Variants in NCOA1 observed in about 807,000 individuals in gnomAD.
NCOA1 encodes the protein Hin-2 protein.
A neutral mutation model predicts 150.9 loss-of-function variants in NCOA1; 35 were observed. The ratio of observed to expected loss-of-function variants is 0.23; its 90% confidence interval spans 0.18 to 0.31. The LOEUF is 0.31. NCOA1 is among the 10% of genes least tolerant of loss of function. The pLI is 1.00. For synonymous variants in NCOA1, 590 were observed against 630.0 expected, an observed-to-expected ratio of 0.94 and a Z score of 0.95; for missense variants, 1,491 against 1,749.3, an observed-to-expected ratio of 0.85 and a Z score of 2.63.
At chr2:24,524,241 T>G (rs1255703477) in intron 1 of NCOA1, among the ~76,000 whole-genome samples, 2 of 152,224 alleles carry the variant, frequency 1.3e-5, no homozygotes, top group Non-Finnish European at 2.9e-5. Flanking sequence ...ATTGTTCAAA[T>G]CAGATTGCCT....
chr2:24,755,866 G>C (rs1664471631), intron 20 of NCOA1, among the ~76,000 whole-genome samples: 1 of 152,094 alleles, frequency 6.6e-6, no homozygotes, highest in African/African-American at 2.4e-5. Context: ...ACATAGCCTT[G>C]CTCCTCCGCA....
chr2:24,743,618 C>A (rs926676496), intron 19 of NCOA1, among the ~76,000 whole-genome samples: 1 of 152,192 alleles, frequency 6.6e-6, no homozygotes, highest in Non-Finnish European at 1.5e-5. Context: ...ATGTGTCTTA[C>A]AATTTCTGTA....
At position 24,762,925 on chromosome 2, in the gene NCOA1, T is replaced by A; in HGVS notation, c.4155+149T>A. The A allele has an allele frequency of 4.4e-6, 3 of 680,474 alleles. No individual in the cohort carries two copies. In the South Asian group the frequency reaches 5.4e-5, roughly 12 times the overall value. 42.2% of individuals were successfully genotyped at this position (680,474 alleles called of 1,614,324 possible). A position where few individuals can be genotyped will look rare whatever the true frequency, so the allele number is the denominator to read the frequency against. ...CTTCTTAGCTGTGTCGTCCTGGGCA[T>A]GTTATGGAGCTTTCCTGAGCTGCTG... On this transcript the variant is annotated intron_variant, in intron 22 of 22. Coordinates refer to ENST00000348332, the MANE Select transcript of NCOA1 (RefSeq NM_003743.5).
intron 1 of NCOA1, among the ~76,000 whole-genome samples, chr2:24,507,042 T>C (rs1572359274): frequency 6.6e-6 from 1 of 152,356 alleles, no homozygotes; most frequent in East Asian, 1.9e-4. Flanking sequence ...TCCTTGTTGA[T>C]GTTGTTACTA....
At chr2:24,750,334 A>C in intron 19 of NCOA1, among the ~76,000 whole-genome samples, 1 of 152,200 alleles carries the variant, frequency 6.6e-6, no homozygotes, top group African/African-American at 2.4e-5. Flanking sequence ...ATATCTACCT[A>C]ATTTCAAAAA....
chr2:24,583,305 T>A (rs963067506), intron 2 of NCOA1, among the ~76,000 whole-genome samples: 2 of 151,888 alleles, frequency 1.3e-5, no homozygotes, highest in African/African-American at 4.8e-5. Context: ...ATGGAAAAAA[T>A]ATTAAACTTC....
rs550588222 is a variant in NCOA1 at position 24,696,911 on chromosome 2, T to G, written c.809-747T>G. On this transcript the variant is annotated intron_variant, in intron 10 of 22. Transcript: ENST00000348332. ...ATATTCTATATATATCTTGTATTAT[T>G]TTGTGTGACTGTAAGATTCTGTAAA... Among the ~76,000 whole-genome samples the G allele has an allele frequency of 3.3e-5, 5 of 151,982 alleles. No homozygotes were observed. In the South Asian group the frequency reaches 1.0e-3, roughly 32 times the overall value.
At chr2:24,542,383 T>A (rs1665434159) in intron 1 of NCOA1, among the ~76,000 whole-genome samples, 1 of 152,192 alleles carries the variant, frequency 6.6e-6, no homozygotes, top group Non-Finnish European at 1.5e-5. Flanking sequence ...CAGGTTGGAA[T>A]CCAGTCTTCT....
chr2:24,547,726 T>C (rs1665658841), intron 1 of NCOA1, among the ~76,000 whole-genome samples: 3 of 152,142 alleles, frequency 2.0e-5, no homozygotes, highest in Admixed American at 2.0e-4. Context: ...CAATGGCTCA[T>C]GCCTGTAATC....
chr2:24,747,363 G>C lies in NCOA1; in HGVS notation c.3707-4619G>C, dbSNP rs531209634. On this transcript the variant is annotated intron_variant, in intron 19 of 22. Coordinates refer to ENST00000348332, the MANE Select transcript of NCOA1 (RefSeq NM_003743.5). Reference sequence around the variant, plus strand: ...TTTTTTTTTTTAATCTTTTGAGATAGGGTCTTGCTCTGTTGCCCAGGAGTG... The same window carrying C: ...TTTTTTTTTTTAATCTTTTGAGATACGGTCTTGCTCTGTTGCCCAGGAGTG... 7.1e-5 allele frequency among the ~76,000 whole-genome samples: 10 copies of C among 140,098 alleles called. No homozygotes were observed. The Admixed American group carries it at 7.6e-4, about 11-fold the overall frequency. The allele number at this position is 140,098 out of a possible 152,430, so 91.9% of individuals were successfully genotyped here.
Position 24,712,010 on chromosome 2 carries a change from A to C in NCOA1, c.2599+899A>C, listed in dbSNP as rs574018972. Among the ~76,000 whole-genome samples, 3 of 152,350 alleles carry C rather than the reference A, an allele frequency of 2.0e-5. No individual in the cohort carries two copies. The South Asian group carries it at 6.2e-4, about 32-fold the overall frequency. ...TAACTGTCATGACCCAATTACTGAT[A>C]GTTTGCCAGGATTTCAGACAGCTGC... On this transcript the variant is annotated intron_variant, in intron 14 of 22. Coordinates refer to ENST00000348332, the MANE Select transcript of NCOA1 (RefSeq NM_003743.5).
In NCOA1 at chr2:24,707,473, C is replaced by T. The variant is rs768705510; in HGVS notation, c.2003C>T (p.Ser668Phe). ...LSCTGTSNSA[S>F]ANSSGGSCPS... is the part of the protein sequence containing the mutation. ...TGCACAGGCACTTCCAACTCTGCCT[C>T]TGCTAACTCTTCAGGAGGTTCTTGT... The change falls in exon 13 of 23, where the codon TCT becomes TTT. Residue 668 changes from serine to phenylalanine, a missense_variant. Physicochemically the swap from Ser to Phe is radical, Grantham distance 155. This residue lies in a region of NCOA1 where 703 missense variants were observed against 717.7 expected (regional missense o/e 0.98). Coordinates refer to ENST00000348332, the MANE Select transcript of NCOA1 (RefSeq NM_003743.5). 1.2e-6 allele frequency: 2 copies of T among 1,614,236 alleles called. No individual in the cohort carries two copies. The highest frequency in any genetic ancestry group is 1.7e-6 in the Non-Finnish European group (2 of 1,180,038).
At chr2:24,520,112 A>T (rs1396885777) in intron 1 of NCOA1, among the ~76,000 whole-genome samples, 2 of 152,224 alleles carry the variant, frequency 1.3e-5, no homozygotes, top group Admixed American at 6.5e-5. Context: ...GACTGACTGT[A>T]CTAAGTGTTG....
chr2:24,529,652 A>G (rs942441951), intron 1 of NCOA1, among the ~76,000 whole-genome samples: 8 of 152,180 alleles, frequency 5.3e-5, no homozygotes, highest in Non-Finnish European at 1.0e-4. Flanking sequence ...CAGAGTTTGC[A>G]TTGTCAGTTT....
chr2:24,523,626 A>AAAAAAAAAAAAAAC, intron 1 of NCOA1, among the ~76,000 whole-genome samples: 1 of 126,394 alleles, frequency 7.9e-6, no homozygotes, highest in Non-Finnish European at 1.7e-5. Context: ...AAAAAAAAAA[A>AAAAAAAAAAAAAAC]AAAAGAAACT....
intron 1 of NCOA1, among the ~76,000 whole-genome samples, chr2:24,550,770 A>G (rs758383568): frequency 6.6e-6 from 1 of 152,212 alleles, no homozygotes; most frequent in Non-Finnish European, 1.5e-5. Flanking sequence ...CTTGTTTTGT[A>G]CAGTTTCCTT....
chr2:24,727,655 T>C (rs3769670), intron 15 of NCOA1, among the ~76,000 whole-genome samples: 11,879 of 152,282 alleles, frequency 0.078, 541 homozygotes, highest in African/African-American at 0.12. Context: ...ATTAGTGTTA[T>C]TAGGATTAGT....
chr2:24,603,272 G>A (rs557284491), intron 3 of NCOA1, among the ~76,000 whole-genome samples: 1 of 152,252 alleles, frequency 6.6e-6, no homozygotes, highest in Admixed American at 6.5e-5. Flanking sequence ...TCTTTTTGCT[G>A]GTAGAGGGTC....
At chr2:24,547,576 A>G (rs2148211510) in intron 1 of NCOA1, among the ~76,000 whole-genome samples, 1 of 152,330 alleles carries the variant, frequency 6.6e-6, no homozygotes, top group South Asian at 2.1e-4. Context: ...TCTTTGACTC[A>G]GTAATTCTGC....
Sources: allele counts gnomAD v4.1 joint callset (sites outside exome capture counted in the v4.1 genomes callset), GRCh38; gene constraint gnomAD v4.1.1; regional missense constraint gnomAD v4.1.1; transcripts MANE v1.5; gene names NCBI Gene and HGNC (gene_info 2026-07-23, HGNC 2026-07-21).